The following CRPPA variants were observed in gnomAD, a reference collection of about 807,000 sequenced individuals.
CRPPA encodes the protein D-ribitol-5-phosphate cytidylyltransferase.
Under a neutral mutation model 52.0 loss-of-function variants are expected in CRPPA, and 43 were observed. That is an observed-to-expected ratio of 0.83 (90% CI 0.65 to 1.07). The LOEUF (loss-of-function observed/expected upper bound fraction) is 1.07, where lower values mean the gene tolerates loss of function less well. CRPPA is among the 50% of genes least tolerant of loss of function. CRPPA has a pLI of 0.00. For synonymous variants in CRPPA, 250 were observed against 203.5 expected (o/e 1.23, Z -1.94); for missense variants, 629 against 551.7 (o/e 1.14, Z -1.40).
At chr7:16,120,634 C>A (rs1385836725) in intron 9 of CRPPA, among the ~76,000 whole-genome samples, 1 of 152,134 alleles carries the variant, frequency 6.6e-6, no homozygotes, top group Non-Finnish European at 1.5e-5. Context: ...GGCTATAAAT[C>A]TCTACTTTTC....
chr7:16,107,774 G>A (rs1213665929), intron 9 of CRPPA, among the ~76,000 whole-genome samples: 1 of 151,940 alleles, frequency 6.6e-6, no homozygotes, highest in East Asian at 1.9e-4. Flanking sequence ...TAGTATGAGA[G>A]TTTAAAAAAA....
intron 9 of CRPPA, among the ~76,000 whole-genome samples, chr7:16,164,297 A>G (rs997124714): frequency 1.3e-5 from 2 of 152,090 alleles, no homozygotes; most frequent in Admixed American, 1.3e-4. Context: ...CACTTGATCC[A>G]TTTGGCTAAA....
At chr7:16,159,147 T>G (rs1319556978) in intron 9 of CRPPA, among the ~76,000 whole-genome samples, 1 of 152,136 alleles carries the variant, frequency 6.6e-6, no homozygotes, top group Non-Finnish European at 1.5e-5. Context: ...CCGGGTGCGG[T>G]GGCTCACACC....
At chr7:16,249,881 T>C (rs571984210) in intron 8 of CRPPA, among the ~76,000 whole-genome samples, 7 of 152,196 alleles carry the variant, frequency 4.6e-5, no homozygotes, top group Non-Finnish European at 1.0e-4. Flanking sequence ...GAGAATGAGT[T>C]TGACAAACTG....
intron 3 of CRPPA, among the ~76,000 whole-genome samples, chr7:16,360,536 G>A (rs1786416746): frequency 6.6e-6 from 1 of 152,124 alleles, no homozygotes; most frequent in Non-Finnish European, 1.5e-5. Context: ...GCAGTATAAA[G>A]ACAGACCTAC....
At chr7:16,330,626 A>G (rs1049077064) in intron 3 of CRPPA, among the ~76,000 whole-genome samples, 2 of 152,198 alleles carry the variant, frequency 1.3e-5, no homozygotes, top group Admixed American at 1.3e-4. Flanking sequence ...ACCCAGTCAC[A>G]GAGGAGGGCT....
chr7:16,194,225 A>G (rs954193893), intron 9 of CRPPA, among the ~76,000 whole-genome samples: 8 of 152,096 alleles, frequency 5.3e-5, no homozygotes, highest in African/African-American at 1.7e-4. Flanking sequence ...GTGAACTGAG[A>G]TTTTAATTCA....
At chr7:16,173,646 A>G (rs917096419) in intron 9 of CRPPA, among the ~76,000 whole-genome samples, 5 of 152,192 alleles carry the variant, frequency 3.3e-5, no homozygotes, top group African/African-American at 1.2e-4. Flanking sequence ...ATATATATTT[A>G]TAGAATATGA....
At chr7:16,334,507 T>G (rs893681130) in intron 3 of CRPPA, among the ~76,000 whole-genome samples, 2 of 152,196 alleles carry the variant, frequency 1.3e-5, no homozygotes, top group African/African-American at 4.8e-5. Flanking sequence ...GCATAGCCTC[T>G]GGTCCTGCCC....
chr7:16,392,449 T>C (rs534011425), intron 2 of CRPPA, among the ~76,000 whole-genome samples: 1 of 152,272 alleles, frequency 6.6e-6, no homozygotes, highest in East Asian at 1.9e-4. Flanking sequence ...TATGATAGAC[T>C]TATATTATCT....
rs1272150503 is a variant in CRPPA, at chr7:16,100,688, G to A, written c.1252-8889C>T. Reference sequence around the variant, plus strand: ...CCCTGGCCAGAACTTCCAATACTATGTTGAATAGGAGTGGTGAGAGAGGGC... The same window carrying A: ...CCCTGGCCAGAACTTCCAATACTATATTGAATAGGAGTGGTGAGAGAGGGC... On this transcript the variant is annotated intron_variant, in intron 9 of 9. Transcript: ENST00000407010. 3.3e-5 allele frequency among the ~76,000 whole-genome samples: 5 copies of A among 152,158 alleles called. No individual in the cohort carries two copies. The South Asian group carries it at 6.2e-4, about 19-fold the overall frequency.
intron 2 of CRPPA, 38 bp downstream of exon 2, chr7:16,406,023 C>T: frequency 6.3e-7 from 1 of 1,588,348 alleles, no homozygotes; most frequent in Non-Finnish European, 8.6e-7. Context: ...CACTACAGTG[C>T]TTGTCCCTTC....
chr7:16,255,758 G>A (rs1170607158), intron 8 of CRPPA, among the ~76,000 whole-genome samples: 1 of 152,032 alleles, frequency 6.6e-6, no homozygotes, highest in East Asian at 1.9e-4. Flanking sequence ...AGCTGAAACT[G>A]GATCCCTTCC....
intron 9 of CRPPA, among the ~76,000 whole-genome samples, chr7:16,120,374 T>G (rs186958127): frequency 1.3e-5 from 2 of 152,130 alleles, no homozygotes; most frequent in Non-Finnish European, 2.9e-5. Flanking sequence ...TCAATAAGAA[T>G]CCCATCAAGT....
chr7:16,350,042 A>G (rs1427925945), intron 3 of CRPPA, among the ~76,000 whole-genome samples: 1 of 152,088 alleles, frequency 6.6e-6, no homozygotes, highest in Admixed American at 6.6e-5. Context: ...CCCCCATAAA[A>G]TGATCAGTGG....
chr7:16,247,435 C>A (rs1783308545), intron 8 of CRPPA, among the ~76,000 whole-genome samples: 1 of 152,074 alleles, frequency 6.6e-6, no homozygotes, highest in Admixed American at 6.6e-5. Context: ...GGAAAACAGT[C>A]AAAAGAGCAA....
chr7:16,420,644 A>C (rs193056483), intron 1 of CRPPA, among the ~76,000 whole-genome samples: 37 of 152,274 alleles, frequency 2.4e-4, no homozygotes, highest in Non-Finnish European at 4.7e-4. Context: ...GAAAAAAACG[A>C]ACACACGCCC....
At chr7:16,140,814 C>T (rs1244001020) in intron 9 of CRPPA, among the ~76,000 whole-genome samples, 1 of 152,052 alleles carries the variant, frequency 6.6e-6, no homozygotes, top group Non-Finnish European at 1.5e-5. Flanking sequence ...AATAAAATAC[C>T]TTTTAACGGG....
chr7:16,380,778 A>G (rs1787063910), intron 2 of CRPPA, among the ~76,000 whole-genome samples: 1 of 152,152 alleles, frequency 6.6e-6, no homozygotes, highest in Non-Finnish European at 1.5e-5. Context: ...TTATTTTCCT[A>G]GAGGTGTTTG....
Sources: gnomAD v4.1 joint callset for allele counts (sites outside exome capture counted in the v4.1 genomes callset) on GRCh38, gnomAD v4.1.1 for gene constraint, MANE v1.5 for transcripts, NCBI Gene and HGNC (gene_info 2026-07-23, HGNC 2026-07-21) for gene names.